The following KATNIP variants were observed in gnomAD, a reference collection of about 807,000 sequenced individuals.
KATNIP encodes katanin interacting protein, also known as katanin-interacting protein.
KATNIP carries 126 observed loss-of-function variants against 174.0 expected under a neutral mutation model. The observed-to-expected ratio is 0.72, with a 90% confidence interval of 0.63 to 0.84. KATNIP has a LOEUF of 0.84. Ranked by LOEUF, KATNIP falls within the 40% of genes least tolerant of loss-of-function variation. The pLI, the probability that KATNIP is intolerant of heterozygous loss-of-function variation, is 0.00. For synonymous variants in KATNIP, 810 were observed against 835.7 expected, an observed-to-expected ratio of 0.97 and a Z score of 0.53; for missense variants, 1,958 against 2,109.7, an observed-to-expected ratio of 0.93 and a Z score of 1.41.
chr16:27,581,904 G>T (rs1314522994), intron 2 of KATNIP, among the ~76,000 whole-genome samples: 1 of 152,162 alleles, frequency 6.6e-6, no homozygotes, highest in Admixed American at 6.5e-5. Context: ...TATCCATGTT[G>T]CTGCGAATGC....
intron 1 of KATNIP, among the ~76,000 whole-genome samples, chr16:27,552,686 GT>G (rs768836183): frequency 4.0e-3 from 381 of 94,388 alleles, no homozygotes; most frequent in South Asian, 5.2e-3. Flanking sequence ...GCAAGTGGCA[GT>G]TTTTTTTTTT....
intron 6 of KATNIP, among the ~76,000 whole-genome samples, chr16:27,668,555 T>C (rs1203116442): frequency 6.6e-6 from 1 of 152,226 alleles, no homozygotes; most frequent in Non-Finnish European, 1.5e-5. Context: ...GGTGCGTCTT[T>C]ATCAGCAGCG....
chr16:27,702,554 G>A (rs1476854413), intron 11 of KATNIP, among the ~76,000 whole-genome samples: 1 of 152,200 alleles, frequency 6.6e-6, no homozygotes, highest in Non-Finnish European at 1.5e-5. Context: ...GTTGTGCACT[G>A]TGCAAAGTGC....
At position 27,769,874 on chromosome 16, in the gene KATNIP, A is replaced by G. The variant is rs148321438; in HGVS notation, c.3989A>G (p.His1330Arg). 1 of 1,613,930 alleles carries G rather than the reference A, an allele frequency of 6.2e-7. No individual in the cohort carries two copies. The highest frequency in any genetic ancestry group is 8.5e-7 in the Non-Finnish European group (1 of 1,179,848). Reference sequence around the variant, plus strand: ...TTTGTTTGCCAGGCCAAGATTGTCCACGTCTCCCTGGATGGCCTGTGCGTC... The same window carrying G: ...TTTGTTTGCCAGGCCAAGATTGTCCGCGTCTCCCTGGATGGCCTGTGCGTC... ...EDTYRGAKIV[H>R]VSLDGLCVSP... Residue 1330 changes from histidine (H) to arginine (R), a missense_variant, in exon 21 of 28, where the codon CAC (histidine) becomes CGC (arginine). His to Arg is a conservative substitution (Grantham distance 29). Around this residue, in one of 3 missense-constraint regions of KATNIP, gnomAD observed 383 missense variants for 456.0 expected, o/e 0.84. Coordinates refer to ENST00000261588, the MANE Select transcript of KATNIP (RefSeq NM_015202.5).
At chr16:27,745,357 T>C (rs781725161) in intron 15 of KATNIP, among the ~76,000 whole-genome samples, 11 of 152,242 alleles carry the variant, frequency 7.2e-5, no homozygotes, top group Non-Finnish European at 1.3e-4. Context: ...CCCCTCACTT[T>C]CCTCACGATA....
At chr16:27,561,024 T>C (rs1378690249) in intron 1 of KATNIP, among the ~76,000 whole-genome samples, 4 of 151,952 alleles carry the variant, frequency 2.6e-5, no homozygotes, top group Non-Finnish European at 4.4e-5. Flanking sequence ...TTTTTTCTTT[T>C]TTTTCAAGAC....
rs773371755 is a variant in KATNIP at position 27,698,343 on chromosome 16, G to A, written c.956G>A (p.Arg319Gln). 3.1e-5 allele frequency: 50 copies of A among 1,609,520 alleles called. No individual in the cohort carries two copies. In the South Asian group the frequency reaches 5.2e-4, roughly 17 times the overall value. Reference sequence around the variant, plus strand: ...CTGCCCTCAGGACCTGGAAGCCGGCGAGAGAGACCCCTGTCTGCAACCCGC... The same window carrying A: ...CTGCCCTCAGGACCTGGAAGCCGGCAAGAGAGACCCCTGTCTGCAACCCGC... ...ERMCSRPGSRRERPLSATRKT... is the reference protein window; with the variant it reads ...ERMCSRPGSRQERPLSATRKT... Residue 319 changes from arginine (R) to glutamine (Q), a missense_variant, in exon 9 of 28, where the codon CGA becomes CAA. Physicochemically the swap from Arg to Gln is conservative, Grantham distance 43. Around this residue, in one of 3 missense-constraint regions of KATNIP, gnomAD observed 1,557 missense variants for 1,617.8 expected, o/e 0.96. Coordinates refer to ENST00000261588, the MANE Select transcript of KATNIP (RefSeq NM_015202.5).
At chr16:27,664,283 A>G (rs2077615452) in intron 6 of KATNIP, among the ~76,000 whole-genome samples, 1 of 152,188 alleles carries the variant, frequency 6.6e-6, no homozygotes, top group Non-Finnish European at 1.5e-5. Flanking sequence ...AAAGTTACTG[A>G]GGTTTTTTGT....
intron 24 of KATNIP, 30 bp downstream of exon 24, chr16:27,775,114 C>T (rs761247271): frequency 2.5e-6 from 4 of 1,600,278 alleles, no homozygotes; most frequent in South Asian, 1.1e-5. Context: ...CACCGCAGCT[C>T]CTGGCCCTCA....
intron 1 of KATNIP, 92 bp downstream of exon 1, chr16:27,550,269 C>G: frequency 7.1e-7 from 1 of 1,410,606 alleles, no homozygotes; most frequent in Non-Finnish European, 9.7e-7. Context: ...CCATGAACCC[C>G]TGGACCACCA....
chr16:27,703,813 C>A (rs1054015169), intron 11 of KATNIP, 83 bp from the exon 12 acceptor site: 2 of 1,028,384 alleles, frequency 1.9e-6, no homozygotes, highest in African/African-American at 3.1e-5. Context: ...TTCCTATCCC[C>A]GAGTGCAGCA....
intron 20 of KATNIP, among the ~76,000 whole-genome samples, chr16:27,768,436 G>C (rs1361596847): frequency 6.6e-6 from 1 of 152,154 alleles, no homozygotes; most frequent in Non-Finnish European, 1.5e-5. Context: ...GATGGACAGG[G>C]GCTTCCTGGG....
chr16:27,737,397 G>C (rs2080936564), intron 14 of KATNIP, among the ~76,000 whole-genome samples: 1 of 151,998 alleles, frequency 6.6e-6, no homozygotes, highest in Non-Finnish European at 1.5e-5. Context: ...AAAAAAAAGA[G>C]AGCATTCTGT....
At position 27,754,178 on chromosome 16, in the gene KATNIP, G is replaced by A. The variant is rs149505095; in HGVS notation, c.3558G>A (p.Pro1186=). Residue 1186 remains proline, a synonymous_variant, in exon 18 of 28, where the codon CCG becomes CCA. Coordinates refer to ENST00000261588, the MANE Select transcript of KATNIP (RefSeq NM_015202.5). ...CTTCTCCAACCCATGTGCAGATCCCGGAGCTAGAGCTCCCATCCAGTTCCC... is the reference window on the plus strand; with the variant it reads ...CTTCTCCAACCCATGTGCAGATCCCAGAGCTAGAGCTCCCATCCAGTTCCC... ...QAGLGADERI[P]ELELPSSSPV... 3.4e-5 allele frequency: 55 copies of A among 1,613,800 alleles called. No individual in the cohort carries two copies. The African/African-American group carries it at 4.0e-4, about 12-fold the overall frequency.
At chr16:27,702,527 A>G (rs766176944) in intron 11 of KATNIP, among the ~76,000 whole-genome samples, 1 of 152,210 alleles carries the variant, frequency 6.6e-6, no homozygotes, top group Non-Finnish European at 1.5e-5. Flanking sequence ...TCTGAGGGCC[A>G]CTGCACAGCT....
chr16:27,581,253 T>C (rs987882933), intron 2 of KATNIP, among the ~76,000 whole-genome samples: 1 of 152,212 alleles, frequency 6.6e-6, no homozygotes, highest in African/African-American at 2.4e-5. Context: ...AAGAATACTT[T>C]AAAGAATATT....
At chr16:27,738,553 G>A (rs987725378) in intron 14 of KATNIP, among the ~76,000 whole-genome samples, 7 of 152,196 alleles carry the variant, frequency 4.6e-5, no homozygotes, top group Non-Finnish European at 7.3e-5. Context: ...TTGAACCTGC[G>A]TGACATAGGG....
chr16:27,576,149 C>T (rs922191969), intron 2 of KATNIP, among the ~76,000 whole-genome samples: 3 of 152,152 alleles, frequency 2.0e-5, no homozygotes, highest in Admixed American at 1.3e-4. Flanking sequence ...AACCATGGAG[C>T]GGGGCGGGGG....
At chr16:27,704,122 G>GCCCCCC (rs535809357) in intron 12 of KATNIP, 124 bp downstream of exon 12, 1 of 662,456 alleles carries the variant, frequency 1.5e-6, no homozygotes, top group Non-Finnish European at 2.6e-6. Flanking sequence ...TGTTTCCACC[G>GCCCCCC]CCCCCCCCCT....
Sources: gnomAD v4.1 joint callset for allele counts (sites outside exome capture counted in the v4.1 genomes callset) on GRCh38, gnomAD v4.1.1 for gene constraint, gnomAD v4.1.1 regional missense constraint, MANE v1.5 for transcripts, NCBI Gene and HGNC (gene_info 2026-07-23, HGNC 2026-07-21) for gene names.